Variants in STARD13 observed in about 807,000 individuals in gnomAD.
STARD13 encodes StAR related lipid transfer domain containing 13, also known as stAR-related lipid transfer protein 13.
A neutral mutation model predicts 106.4 loss-of-function variants in STARD13; 62 were observed. The observed-to-expected ratio is 0.58, with a 90% confidence interval of 0.48 to 0.72. The LOEUF (loss-of-function observed/expected upper bound fraction) is 0.72. Ranked by LOEUF, STARD13 falls within the 30% of genes least tolerant of loss-of-function variation. The pLI, the probability that STARD13 is intolerant of heterozygous loss-of-function variation, is 0.00. For missense variants in STARD13, 1,387 were observed against 1,424.0 expected (o/e 0.97, Z 0.42); for synonymous variants, 565 against 553.0 (o/e 1.02, Z -0.31).
chr13:33,505,210 C>G, the STARD13 span, among the ~76,000 whole-genome samples: 135 of 152,234 alleles, frequency 8.9e-4, no homozygotes, highest in Non-Finnish European at 1.7e-3. Context: ...TACCATTACA[C>G]CATTCTTAGA....
chr13:33,236,877 G>A (rs766990908), intron 1 of STARD13, among the ~76,000 whole-genome samples: 1 of 152,076 alleles, frequency 6.6e-6, no homozygotes, highest in Non-Finnish European at 1.5e-5. Context: ...TTCTGCAGTT[G>A]GTATAAATTC....
At chr13:33,582,003 G>A in the STARD13 span, among the ~76,000 whole-genome samples, 4 of 152,108 alleles carry the variant, frequency 2.6e-5, no homozygotes, top group Non-Finnish European at 5.9e-5. Context: ...AGCAGATCAC[G>A]AGATCAGGAG....
the STARD13 span, among the ~76,000 whole-genome samples, chr13:33,519,278 TTTCTCTTTC>T: frequency 7.1e-6 from 1 of 140,408 alleles, no homozygotes; most frequent in South Asian, 2.3e-4. Flanking sequence ...CTTTCTTTTC[TTTCTCTTTC>T]TTTCTTTCTC....
chr13:33,385,435 T>C, the STARD13 span, among the ~76,000 whole-genome samples: 11 of 126,058 alleles, frequency 8.7e-5, no homozygotes, highest in Non-Finnish European at 1.8e-4. Context: ...GAGGAACTGG[T>C]AACTGAGTAA....
At chr13:33,596,138 G>T in the STARD13 span, among the ~76,000 whole-genome samples, 1 of 152,132 alleles carries the variant, frequency 6.6e-6, no homozygotes, top group Non-Finnish European at 1.5e-5. Context: ...ATTAAGGATT[G>T]CTTGTGTATG....
intron 1 of STARD13, among the ~76,000 whole-genome samples, chr13:33,301,177 G>A (rs764679809): frequency 1.1e-4 from 17 of 152,222 alleles, no homozygotes; most frequent in Non-Finnish European, 2.5e-4. Flanking sequence ...TTAGTCCAGT[G>A]CCTGGTACAT....
the STARD13 span, among the ~76,000 whole-genome samples, chr13:33,600,421 G>T: frequency 6.6e-6 from 1 of 152,130 alleles, no homozygotes; most frequent in Non-Finnish European, 1.5e-5. Flanking sequence ...TGGTATTTTG[G>T]TTATATAGAA....
chr13:33,219,747 G>A (rs1447141790), intron 1 of STARD13, among the ~76,000 whole-genome samples: 2 of 141,076 alleles, frequency 1.4e-5, no homozygotes, highest in Non-Finnish European at 1.5e-5. Context: ...AGGTTGCAGT[G>A]AGCTATGATC....
At chr13:33,120,937 C>T (rs968130488) in intron 7 of STARD13, among the ~76,000 whole-genome samples, 10 of 152,272 alleles carry the variant, frequency 6.6e-5, no homozygotes, top group South Asian at 4.1e-4. Flanking sequence ...GACAGGATTT[C>T]GCCACATTGG....
intron 7 of STARD13, among the ~76,000 whole-genome samples, chr13:33,121,630 T>A (rs140296075): frequency 6.6e-6 from 1 of 150,806 alleles, no homozygotes; most frequent in Non-Finnish European, 1.5e-5. Flanking sequence ...AAGAGATAGT[T>A]TTCCACATAA....
At chr13:33,595,160 C>T in the STARD13 span, among the ~76,000 whole-genome samples, 5 of 152,228 alleles carry the variant, frequency 3.3e-5, no homozygotes, top group East Asian at 7.7e-4. Flanking sequence ...AGATGTACTT[C>T]GGAGGTAACA....
chr13:33,335,988 T>C (rs2321175), intron 1 of STARD13, among the ~76,000 whole-genome samples: 24 of 9,012 alleles, frequency 2.7e-3, no homozygotes, highest in Admixed American at 6.9e-3. Context: ...CATTCATTCA[T>C]TCATTAATTC....
At chr13:33,266,271 G>A (rs866771630) in intron 1 of STARD13, among the ~76,000 whole-genome samples, 9 of 152,196 alleles carry the variant, frequency 5.9e-5, no homozygotes, top group Non-Finnish European at 1.3e-4. Flanking sequence ...CTCTTCTGAG[G>A]ATTACATGAC....
the STARD13 span, among the ~76,000 whole-genome samples, chr13:33,527,964 C>A: frequency 2.0e-5 from 3 of 151,072 alleles, no homozygotes; most frequent in Admixed American, 6.6e-5. Flanking sequence ...AGTAATGTAA[C>A]ACTAGTTTTT....
At chr13:33,297,632 A>C (rs1892547014) in intron 1 of STARD13, among the ~76,000 whole-genome samples, 1 of 152,146 alleles carries the variant, frequency 6.6e-6, no homozygotes, top group African/African-American at 2.4e-5. Context: ...GCTAAAGAAA[A>C]GTTTAGAAGA....
At chr13:33,528,416 G>T in the STARD13 span, among the ~76,000 whole-genome samples, 1,436 of 150,700 alleles carry the variant, frequency 9.5e-3, 15 homozygotes, top group Non-Finnish European at 0.015. Context: ...ACCGTAGGGT[G>T]TGCCACCATG....
the STARD13 span, among the ~76,000 whole-genome samples, chr13:33,359,738 A>T: frequency 1.3e-5 from 2 of 152,120 alleles, no homozygotes; most frequent in African/African-American, 4.8e-5. Context: ...CCATAGTATA[A>T]TGGCCAAAGT....
At chr13:33,418,408 G>A in the STARD13 span, among the ~76,000 whole-genome samples, 1 of 152,226 alleles carries the variant, frequency 6.6e-6, no homozygotes, top group Non-Finnish European at 1.5e-5. Context: ...CATTGCTGAG[G>A]CTTAAGTAGG....
the STARD13 span, among the ~76,000 whole-genome samples, chr13:33,465,985 G>T: frequency 6.6e-6 from 1 of 152,010 alleles, no homozygotes; most frequent in South Asian, 2.1e-4. Flanking sequence ...CTTATTGTAT[G>T]ATTCCAGAGT....
Sources: allele counts gnomAD v4.1 joint callset (sites outside exome capture counted in the v4.1 genomes callset), GRCh38; gene constraint gnomAD v4.1.1; transcripts MANE v1.5; gene names NCBI Gene and HGNC (gene_info 2026-07-23, HGNC 2026-07-21).